HNRNPLL: variants seen among roughly 807,000 people sequenced by gnomAD.
The protein encoded by HNRNPLL is heterogeneous nuclear ribonucleoprotein L-like.
Under a neutral mutation model 67.1 loss-of-function variants are expected in HNRNPLL, and 25 were observed. The ratio of observed to expected loss-of-function variants is 0.37; its 90% CI spans 0.27 to 0.52. The LOEUF is 0.52. Among genes scored for constraint, HNRNPLL ranks in the 20% least tolerant of loss-of-function variants. The probability of loss-of-function intolerance (pLI) is 0.90; values close to 1 mark genes in which losing one functional copy is unlikely to be tolerated. For synonymous variants in HNRNPLL, 267 were observed against 241.7 expected (o/e 1.10, Z -0.97); for missense variants, 542 against 673.9 (o/e 0.80, Z 2.17).
In HNRNPLL at chr2:38,582,099, A is replaced by G; in HGVS notation, c.702T>C (p.Cys234=). Residue 234 remains cysteine (C), a synonymous_variant, in exon 5 of 13, where the codon TGT becomes TGC. Transcript: ENST00000449105. The part of the protein sequence containing the change: ...ALNGADIYAG[C]CTLKIEYARP... ...GTGCATATTCAATTTTTAGTGTGCAACATCCAGCATATATATCAGCTCCAT... is the reference window on the plus strand; with the variant it reads ...GTGCATATTCAATTTTTAGTGTGCAGCATCCAGCATATATATCAGCTCCAT... The G allele has an allele frequency of 1.2e-6, 2 of 1,613,838 alleles. No individual in the cohort carries two copies. Among genetic ancestry groups the G allele is most frequent in the Non-Finnish European group, 1.7e-6 (2 of 1,179,756 alleles).
intron 1 of HNRNPLL, among the ~76,000 whole-genome samples, chr2:38,592,272 A>C (rs1666991157): frequency 6.6e-6 from 1 of 152,192 alleles, no homozygotes; most frequent in African/African-American, 2.4e-5. Context: ...TATATTTGAT[A>C]CTCATTAACC....
intron 12 of HNRNPLL, among the ~76,000 whole-genome samples, chr2:38,564,875 C>G (rs1457487098): frequency 6.6e-6 from 1 of 151,520 alleles, no homozygotes; most frequent in Non-Finnish European, 1.5e-5. Flanking sequence ...AATTCAAATA[C>G]AGCTTGGGAA....
chr2:38,597,701 T>A (rs190441652), intron 1 of HNRNPLL, among the ~76,000 whole-genome samples: 1 of 151,906 alleles, frequency 6.6e-6, no homozygotes, highest in Non-Finnish European at 1.5e-5. Flanking sequence ...ATTTTTTTTT[T>A]TTTTTGAGAC....
At chr2:38,579,133 G>C in intron 6 of HNRNPLL, among the ~76,000 whole-genome samples, 1 of 152,112 alleles carries the variant, frequency 6.6e-6, no homozygotes, top group East Asian at 1.9e-4. Flanking sequence ...TATTGATACA[G>C]TTAACAGTGT....
At chr2:38,598,193 A>T (rs974734815) in intron 1 of HNRNPLL, among the ~76,000 whole-genome samples, 8 of 152,288 alleles carry the variant, frequency 5.3e-5, no homozygotes, top group Middle Eastern at 3.4e-3. Context: ...TGGCCTGGTG[A>T]TTAATTAGAC....
Position 38,591,562 on chromosome 2 carries a change from G to A in HNRNPLL, c.276C>T (p.Leu92=), listed in dbSNP as rs768388621. 25 of 1,612,924 alleles carry A rather than the reference G, an allele frequency of 1.5e-5. No individual in the cohort carries two copies. Among genetic ancestry groups the A allele is most frequent in the East Asian group, 4.5e-5 (2 of 44,890 alleles). The part of the protein sequence containing the change: ...GLCESVVEAD[L]VEALEKFGTI... ...TCCCAAATTTTTCCAGCGCTTCCACGAGGTCTGCTTCCACCACAGATTCAC... is the reference window on the plus strand; with the variant it reads ...TCCCAAATTTTTCCAGCGCTTCCACAAGGTCTGCTTCCACCACAGATTCAC... The change falls in exon 2 of 13, where the codon CTC becomes CTT. Residue 92 remains leucine, a synonymous_variant. Transcript: ENST00000449105.
At chr2:38,600,274 G>C (rs1667374178) in intron 1 of HNRNPLL, among the ~76,000 whole-genome samples, 1 of 147,422 alleles carries the variant, frequency 6.8e-6, no homozygotes, top group Non-Finnish European at 1.5e-5. Flanking sequence ...ACCTCAATCT[G>C]CTTATATCAG....
intron 7 of HNRNPLL, 63 bp downstream of exon 7, chr2:38,577,398 A>C: frequency 9.9e-7 from 1 of 1,014,324 alleles, no homozygotes; most frequent in South Asian, 1.3e-5. Flanking sequence ...GCCATACTTC[A>C]TCAGAAATGC....
chr2:38,597,098 T>C (rs887206076), intron 1 of HNRNPLL, among the ~76,000 whole-genome samples: 4 of 152,232 alleles, frequency 2.6e-5, no homozygotes, highest in African/African-American at 9.6e-5. Flanking sequence ...TAATTTTGAC[T>C]ACTGCATATT....
intron 3 of HNRNPLL, among the ~76,000 whole-genome samples, chr2:38,584,185 C>T (rs115921463): frequency 0.011 from 1,736 of 152,264 alleles, 34 homozygotes; most frequent in African/African-American, 0.04. Flanking sequence ...CTCAGCCTCC[C>T]GAGTAGCTGA....
chr2:38,597,748 G>A (rs1667260877), intron 1 of HNRNPLL, among the ~76,000 whole-genome samples: 1 of 151,606 alleles, frequency 6.6e-6, no homozygotes, highest in African/African-American at 2.4e-5. Flanking sequence ...GAGTGCAGTG[G>A]CACGATCTCA....
intron 1 of HNRNPLL, chr2:38,599,837 T>G (rs536903143): frequency 2.2e-6 from 1 of 464,898 alleles, no homozygotes; most frequent in East Asian, 7.1e-5. Context: ...CTTCAAAGGC[T>G]TACTTTGCAC....
At chr2:38,579,476 C>T (rs1447868709) in intron 6 of HNRNPLL, among the ~76,000 whole-genome samples, 6 of 151,822 alleles carry the variant, frequency 4.0e-5, no homozygotes, top group Non-Finnish European at 7.4e-5. Context: ...GTATTCACTG[C>T]GTAACAGGTC....
chr2:38,572,768 G>A (rs1276731263), intron 8 of HNRNPLL, among the ~76,000 whole-genome samples: 1 of 151,964 alleles, frequency 6.6e-6, no homozygotes, highest in African/African-American at 2.4e-5. Context: ...ATAGAACCCT[G>A]GCATTTAGGA....
intron 1 of HNRNPLL, among the ~76,000 whole-genome samples, chr2:38,593,373 C>A (rs1335287500): frequency 6.6e-6 from 1 of 152,178 alleles, no homozygotes; most frequent in African/African-American, 2.4e-5. Context: ...ACCTGCCAAA[C>A]ACAGCATGTA....
At chr2:38,595,297 A>T (rs1475169126) in intron 1 of HNRNPLL, among the ~76,000 whole-genome samples, 1 of 142,020 alleles carries the variant, frequency 7.0e-6, no homozygotes, top group Non-Finnish European at 1.5e-5. Context: ...AAAAAAAAAA[A>T]GAAAAGAAAA....
chr2:38,572,023 A>T (rs182394264), intron 8 of HNRNPLL, among the ~76,000 whole-genome samples: 1 of 152,152 alleles, frequency 6.6e-6, no homozygotes, highest in Non-Finnish European at 1.5e-5. Context: ...CTCTATAAAG[A>T]AAGTTAAAAT....
chr2:38,571,528 G>C (rs1213477354), intron 8 of HNRNPLL, among the ~76,000 whole-genome samples: 3 of 152,038 alleles, frequency 2.0e-5, no homozygotes, highest in Non-Finnish European at 4.4e-5. Flanking sequence ...ACTTTAATAG[G>C]ATATACTACA....
At chr2:38,598,287 C>T (rs1408099220) in intron 1 of HNRNPLL, among the ~76,000 whole-genome samples, 1 of 152,082 alleles carries the variant, frequency 6.6e-6, no homozygotes, top group African/African-American at 2.4e-5. Context: ...TAGCTGCTAG[C>T]TATAAGAATG....
Sources: allele counts gnomAD v4.1 joint callset (sites outside exome capture counted in the v4.1 genomes callset), GRCh38; gene constraint gnomAD v4.1.1; transcripts MANE v1.5; gene names NCBI Gene and HGNC (gene_info 2026-07-23, HGNC 2026-07-21).